Variants in SMARCC1 observed in about 807,000 individuals in gnomAD.
The protein encoded by SMARCC1 is SWI/SNF complex subunit SMARCC1.
SMARCC1 carries 43 observed loss-of-function variants against 147.4 expected under a neutral mutation model. That is an observed-to-expected ratio of 0.29 (90% CI 0.23 to 0.38). The LOEUF is 0.38. Ranked by LOEUF, SMARCC1 falls within the 10% of genes least tolerant of loss-of-function variation. The pLI is 1.00. For missense variants in SMARCC1, 1,119 were observed against 1,381.1 expected, an observed-to-expected ratio of 0.81 and a Z score of 3.01; for synonymous variants, 495 against 484.4, an observed-to-expected ratio of 1.02 and a Z score of -0.29.
At chr3:47,646,090 C>A (rs1173389486) in intron 21 of SMARCC1, among the ~76,000 whole-genome samples, 3 of 151,918 alleles carry the variant, frequency 2.0e-5, no homozygotes, top group Admixed American at 6.6e-5. Context: ...GAGGCCGAGG[C>A]GTGAGGATCA....
intron 7 of SMARCC1, among the ~76,000 whole-genome samples, chr3:47,715,271 G>A (rs1243914069): frequency 6.6e-6 from 1 of 152,116 alleles, no homozygotes; most frequent in Non-Finnish European, 1.5e-5. Flanking sequence ...ATCTCCTTGT[G>A]TAGAACATCT....
intron 26 of SMARCC1, 93 bp from the exon 27 acceptor site, chr3:47,590,930 A>T: frequency 9.7e-7 from 1 of 1,033,936 alleles, no homozygotes; most frequent in Non-Finnish European, 1.4e-6. Flanking sequence ...CAAATATCCA[A>T]CCTTCCAAAG....
intron 3 of SMARCC1, among the ~76,000 whole-genome samples, chr3:47,739,453 T>C (rs1259577451): frequency 6.6e-6 from 1 of 152,144 alleles, no homozygotes; most frequent in Non-Finnish European, 1.5e-5. Flanking sequence ...CAGCCTTGAG[T>C]AGCTGGGTCC....
At position 47,781,212 on chromosome 3, in the gene SMARCC1, G is replaced by A. The variant is rs1056387260; in HGVS notation, c.195+391C>T. ...AACAACAGGTAGCAAACCCCCTCGA[G>A]ACTTTGAATACGCTCTAAACAAAAC... On this transcript the variant is annotated intron_variant, in intron 1 of 27. Transcript: ENST00000254480. Among the ~76,000 whole-genome samples the A allele has an allele frequency of 2.0e-5, 3 of 152,212 alleles. No individual in the cohort carries two copies. The South Asian group carries it at 6.2e-4, about 32-fold the overall frequency.
chr3:47,758,878 G>A (rs1046758122), intron 2 of SMARCC1, among the ~76,000 whole-genome samples: 5 of 151,940 alleles, frequency 3.3e-5, no homozygotes, highest in African/African-American at 1.2e-4. Context: ...TTAGCCAGGC[G>A]TGATGGTGCA....
intron 11 of SMARCC1, among the ~76,000 whole-genome samples, chr3:47,695,072 C>A (rs1361728045): frequency 6.6e-6 from 1 of 152,160 alleles, no homozygotes; most frequent in Non-Finnish European, 1.5e-5. Context: ...TGTGTGCTCA[C>A]AAAATTCGTA....
chr3:47,646,787 C>T (rs1430074581), intron 21 of SMARCC1, among the ~76,000 whole-genome samples: 1 of 152,154 alleles, frequency 6.6e-6, no homozygotes, highest in Non-Finnish European at 1.5e-5. Flanking sequence ...TGCAAGGTAA[C>T]AACCCTTCAA....
intron 6 of SMARCC1, among the ~76,000 whole-genome samples, chr3:47,721,701 C>T (rs1311159739): frequency 2.6e-5 from 4 of 152,028 alleles, no homozygotes; most frequent in Non-Finnish European, 5.9e-5. Context: ...AATGACTCAC[C>T]TAACTATCTT....
intron 7 of SMARCC1, among the ~76,000 whole-genome samples, chr3:47,715,333 G>A (rs918248942): frequency 2.0e-5 from 3 of 152,024 alleles, no homozygotes; most frequent in Admixed American, 6.6e-5. Flanking sequence ...TGCTACCCTG[G>A]CCCCAGCGAT....
At chr3:47,670,540 G>GCTA (rs2033480825) in intron 19 of SMARCC1, 118 bp downstream of exon 19, 2 of 716,830 alleles carry the variant, frequency 2.8e-6, no homozygotes, top group African/African-American at 1.8e-5. Context: ...GCTACCATCA[G>GCTA]GCCACTGCAC....
In SMARCC1 at chr3:47,586,401, T is replaced by C. The variant is rs898005339; in HGVS notation, c.*1808A>G. ...TGGGGTCTTTCTGGAGCCAAATGCA[T>C]TGGAACTAAGCTCCAGTAGGAATAA... On this transcript the variant is annotated 3_prime_UTR_variant, in exon 28 of 28. Transcript: ENST00000254480. 2 of 152,272 alleles carry C rather than the reference T, an allele frequency of 1.3e-5. No homozygotes were observed. Among genetic ancestry groups the C allele is most frequent in the Non-Finnish European group, 2.9e-5 (2 of 68,020 alleles). The allele number at this position is 152,272 out of a possible 1,614,324, so 9.4% of individuals were successfully genotyped here.
chr3:47,753,584 C>G lies in SMARCC1; in HGVS notation c.316-7591G>C, dbSNP rs558649209. ...AAAAAATCAGCCGGGCGTGGTGGTG[C>G]ATGCCTGTAATCCCAGCTACTCGAG... is the stretch of plus-strand genomic sequence containing the variant. On this transcript the variant is annotated intron_variant, in intron 2 of 27. Coordinates refer to ENST00000254480, the MANE Select transcript of SMARCC1 (RefSeq NM_003074.4). Among the ~76,000 whole-genome samples, 3 of 151,474 alleles carry G rather than the reference C, an allele frequency of 2.0e-5. No individual in the cohort carries two copies. In the South Asian group the frequency reaches 6.3e-4, roughly 32 times the overall value.
intron 26 of SMARCC1, chr3:47,601,858 C>T (rs1473655206): frequency 6.6e-6 from 1 of 152,116 alleles, no homozygotes; most frequent in Admixed American, 6.6e-5. Flanking sequence ...TGCCACCACA[C>T]CCGGCTAATT....
At chr3:47,726,435 T>G (rs552270784) in intron 6 of SMARCC1, among the ~76,000 whole-genome samples, 1 of 152,292 alleles carries the variant, frequency 6.6e-6, no homozygotes, top group East Asian at 1.9e-4. Flanking sequence ...TTATTGTTAT[T>G]GCCAATGCTT....
chr3:47,727,304 C>G (rs573244015), intron 6 of SMARCC1, among the ~76,000 whole-genome samples: 3 of 151,986 alleles, frequency 2.0e-5, no homozygotes, highest in African/African-American at 7.2e-5. Context: ...GTCAGGAGTT[C>G]GAGACCAACC....
chr3:47,604,991 G>A (rs570457478), intron 26 of SMARCC1, among the ~76,000 whole-genome samples: 4 of 152,296 alleles, frequency 2.6e-5, no homozygotes, highest in South Asian at 2.1e-4. Context: ...GTAAGCCACC[G>A]CGCCCAGCCT....
intron 3 of SMARCC1, among the ~76,000 whole-genome samples, chr3:47,739,883 T>C (rs1049040105): frequency 6.6e-6 from 1 of 152,122 alleles, no homozygotes; most frequent in African/African-American, 2.4e-5. Context: ...TTCTTTCATG[T>C]TGTTGTTGTT....
intron 2 of SMARCC1, among the ~76,000 whole-genome samples, chr3:47,753,351 A>G (rs2034649837): frequency 6.7e-6 from 1 of 150,012 alleles, no homozygotes; most frequent in Non-Finnish European, 1.5e-5. Flanking sequence ...AGAAGAAAAG[A>G]GAAGATAAAT....
intron 24 of SMARCC1, among the ~76,000 whole-genome samples, chr3:47,626,729 A>G (rs973473530): frequency 2.2e-4 from 33 of 152,176 alleles, no homozygotes; most frequent in African/African-American, 6.8e-4. Context: ...GCCTTGCCCA[A>G]TAAAAATTAG....
Sources: gnomAD v4.1 joint callset for allele counts (sites outside exome capture counted in the v4.1 genomes callset) on GRCh38, gnomAD v4.1.1 for gene constraint, MANE v1.5 for transcripts, NCBI Gene and HGNC (gene_info 2026-07-23, HGNC 2026-07-21) for gene names.